The following COL28A1 variants were observed in gnomAD, a reference collection of about 807,000 sequenced individuals.
COL28A1 encodes the protein collagen type XXVIII alpha 1 chain.
A neutral mutation model predicts 150.2 loss-of-function variants in COL28A1; 161 were observed. That is an observed-to-expected ratio of 1.07 (90% CI 0.94 to 1.22). COL28A1 has a LOEUF of 1.22. COL28A1 is among the 50% of genes most tolerant of loss of function. The probability of loss-of-function intolerance (pLI) is 0.00; values close to 1 mark genes in which losing one functional copy is unlikely to be tolerated. For missense variants in COL28A1, 1,617 were observed against 1,388.3 expected, an observed-to-expected ratio of 1.16 and a Z score of -2.62; for synonymous variants, 552 against 469.7, an observed-to-expected ratio of 1.18 and a Z score of -2.26.
intron 32 of COL28A1, 100 bp from the exon 33 acceptor site, chr7:7,370,982 C>T: frequency 1.2e-6 from 1 of 802,898 alleles, no homozygotes; most frequent in South Asian, 2.0e-5. Flanking sequence ...TATGTAATTT[C>T]CCATTACTTG....
chr7:7,527,559 G>C (rs78683628), intron 3 of COL28A1, among the ~76,000 whole-genome samples: 2,501 of 152,302 alleles, frequency 0.016, 68 homozygotes, highest in African/African-American at 0.057. Context: ...GCGAGGGCTT[G>C]CACTCAGGCA....
chr7:7,493,182 A>T (rs1202102100), intron 11 of COL28A1, among the ~76,000 whole-genome samples: 1 of 151,816 alleles, frequency 6.6e-6, no homozygotes, highest in African/African-American at 2.4e-5. Context: ...TTCATTTTTT[A>T]TCCCTTCTAT....
At position 7,373,575 on chromosome 7, in the gene COL28A1, T is replaced by C. The variant is rs764195279; in HGVS notation, c.2360-29A>G. ...AAAGATGAATGTTGAGAGAGAAAAA[T>C]TGTGGGAATGATTGACATCAGATTG... On this transcript the variant is annotated intron_variant, in intron 31 of 34. Coordinates refer to ENST00000399429, the MANE Select transcript of COL28A1 (RefSeq NM_001037763.3). This position sits in a 1 kb window ranked among gnomAD's most constrained non-coding sequence, Gnocchi z 4.1. 14 of 1,579,054 alleles carry C rather than the reference T, an allele frequency of 8.9e-6. No individual in the cohort carries two copies. In the Middle Eastern group the frequency reaches 5.0e-4, roughly 57 times the overall value.
chr7:7,517,810 C>A lies in COL28A1; in HGVS notation c.841G>T (p.Glu281Ter). 6.2e-7 allele frequency: 1 copy of A among 1,613,790 alleles called. No homozygotes were observed. The highest frequency in any genetic ancestry group is 1.1e-5 in the South Asian group (1 of 91,078). ...PGNAQKGEAGERGPGGIPGYK... is the reference protein window; with the variant it reads ...PGNAQKGEAG ...TGTGTACATACCCCTGGACCTCTTT[C>A]TCCAGCTTCTCCTTTTTGAGCGTTG... Residue 281 changes from glutamate to a stop codon, truncating the protein, a stop_gained, in exon 7 of 35, where the codon GAA becomes TAA. Coordinates refer to ENST00000399429, the MANE Select transcript of COL28A1 (RefSeq NM_001037763.3). LOFTEE classifies it high-confidence loss of function.
chr7:7,403,040 C>T (rs897253548), intron 27 of COL28A1, among the ~76,000 whole-genome samples: 1 of 152,166 alleles, frequency 6.6e-6, no homozygotes, highest in African/African-American at 2.4e-5. Context: ...GAAATGATCA[C>T]TCATGGTGTG....
At chr7:7,413,555 A>G (rs758065167) in intron 27 of COL28A1, among the ~76,000 whole-genome samples, 1 of 152,192 alleles carries the variant, frequency 6.6e-6, no homozygotes, top group East Asian at 1.9e-4. Flanking sequence ...GTCCTGGCCA[A>G]GAGTTTATGA....
chr7:7,492,634 G>A (rs1323603548), intron 11 of COL28A1, among the ~76,000 whole-genome samples: 1 of 147,410 alleles, frequency 6.8e-6, no homozygotes, highest in African/African-American at 2.5e-5. Context: ...TTGACCAATT[G>A]CGAAAGAGAA....
chr7:7,445,558 TAAC>T (rs1268655026), intron 18 of COL28A1, among the ~76,000 whole-genome samples: 3 of 152,160 alleles, frequency 2.0e-5, no homozygotes, highest in Admixed American at 6.5e-5. Context: ...ATTTGTGCCC[TAAC>T]AACACTTCCA....
intron 8 of COL28A1, among the ~76,000 whole-genome samples, 192 bp from the exon 9 acceptor site, chr7:7,511,327 C>T (rs1781122054): frequency 6.6e-6 from 1 of 152,122 alleles, no homozygotes. Context: ...ACCCAAGAGT[C>T]ATCCTTAACT....
intron 11 of COL28A1, among the ~76,000 whole-genome samples, chr7:7,504,212 T>G (rs1486166395): frequency 6.6e-6 from 1 of 151,962 alleles, no homozygotes; most frequent in Non-Finnish European, 1.5e-5. Context: ...ACATAAAGAG[T>G]TGAGCCAGGT....
chr7:7,380,573 A>C lies in COL28A1; in HGVS notation c.2322+87T>G, dbSNP rs17167099. ...AATAGAAACTGGGATTCTGCATCCA[A>C]AAAATTCATAATTCTAAAGCTAAAG... On this transcript the variant is annotated intron_variant, in intron 30 of 34. Coordinates refer to ENST00000399429, the MANE Select transcript of COL28A1 (RefSeq NM_001037763.3). 7,646 of 1,225,006 alleles carry C rather than the reference A, an allele frequency of 6.2e-3. 359 individuals are homozygous for C. In the African/African-American group the frequency reaches 0.099, roughly 16 times the overall value. The allele number at this position is 1,225,006 out of a possible 1,614,324, so 75.9% of individuals were successfully genotyped here.
chr7:7,456,259 TCC>T, intron 15 of COL28A1, 147 bp from the exon 16 acceptor site: 1 of 1,199,300 alleles, frequency 8.3e-7, no homozygotes, highest in Non-Finnish European at 1.1e-6. Context: ...TTTATTTTAT[TCC>T]TTTAAAAGTT....
At chr7:7,385,923 A>G (rs184746387) in intron 27 of COL28A1, among the ~76,000 whole-genome samples, 1 of 152,342 alleles carries the variant, frequency 6.6e-6, no homozygotes, top group East Asian at 1.9e-4. Context: ...AAGTAAATCC[A>G]TGTCTGATCT....
rs1377327032 is a variant in COL28A1, at chr7:7,373,731, C to T, written c.2360-185G>A. ...TTTTTTTTTTTGTGAGACAGAGTCT[C>T]GCTGTCGCCCAGGTTGGAGTGCAGT... On this transcript the variant is annotated intron_variant, in intron 31 of 34. Transcript: ENST00000399429. This position sits in a 1 kb window ranked among gnomAD's most constrained non-coding sequence, Gnocchi z 4.1. Among the ~76,000 whole-genome samples the T allele has an allele frequency of 4.0e-5, 6 of 149,262 alleles. No individual in the cohort carries two copies. The East Asian group carries it at 9.9e-4, about 25-fold the overall frequency.
At chr7:7,400,975 G>GGGGGGT (rs1160269291) in intron 27 of COL28A1, among the ~76,000 whole-genome samples, 11 of 119,124 alleles carry the variant, frequency 9.2e-5, no homozygotes, top group Admixed American at 2.6e-4. Flanking sequence ...TGGGTATTTG[G>GGGGGGT]GTGTGTGTGT....
chr7:7,377,141 A>T (rs1781598703), intron 30 of COL28A1, among the ~76,000 whole-genome samples: 1 of 152,094 alleles, frequency 6.6e-6, no homozygotes, highest in South Asian at 2.1e-4. Context: ...CTTTTTATTC[A>T]CTTATAAGAG....
In COL28A1 at chr7:7,531,895, C is replaced by G; in HGVS notation, c.134G>C (p.Cys45Ser). The G allele has an allele frequency of 6.3e-7, 1 of 1,595,646 alleles. No homozygotes were observed. Among genetic ancestry groups the G allele is most frequent in the South Asian group, 1.1e-5 (1 of 90,052 alleles). Residue 45 changes from cysteine (C) to serine (S), a missense_variant, in exon 3 of 35, where the codon TGT (cysteine) becomes TCT (serine). Physicochemically the swap from Cys to Ser is moderately radical, Grantham distance 112 (BLOSUM62 -1). Coordinates refer to ENST00000399429, the MANE Select transcript of COL28A1 (RefSeq NM_001037763.3). ...CACGATGAAGACAATATCTATGAAA[C>G]AAATGGAGCCTGAAACAGAATAAAC... ...ARKSDVQGSI[C>S]FIDIVFIVDS...
intron 11 of COL28A1, among the ~76,000 whole-genome samples, chr7:7,500,697 G>A (rs1185058092): frequency 6.6e-6 from 1 of 152,172 alleles, no homozygotes; most frequent in East Asian, 1.9e-4. Flanking sequence ...ATGTTGTGTA[G>A]GGACGTTTAG....
intron 33 of COL28A1, among the ~76,000 whole-genome samples, chr7:7,365,772 G>T (rs1269953957): frequency 6.6e-6 from 1 of 152,096 alleles, no homozygotes; most frequent in Non-Finnish European, 1.5e-5. Context: ...TCTCCAATTT[G>T]GCTCTGGGGA....
Sources: allele counts gnomAD v4.1 joint callset (sites outside exome capture counted in the v4.1 genomes callset), GRCh38; gene constraint gnomAD v4.1.1; non-coding constraint Gnocchi (gnomAD v3.1); transcripts MANE v1.5; gene names NCBI Gene and HGNC (gene_info 2026-07-23, HGNC 2026-07-21).